FMNL2: variants seen among roughly 807,000 people sequenced by gnomAD.
FMNL2 encodes formin like 2, also known as formin-like protein 2.
FMNL2 carries 51 observed loss-of-function variants against 130.2 expected under a neutral mutation model. The ratio of observed to expected loss-of-function variants is 0.39; its 90% CI spans 0.31 to 0.49. FMNL2 has a LOEUF of 0.49. FMNL2 is among the 20% of genes least tolerant of loss of function. The pLI, the probability that FMNL2 is intolerant of heterozygous loss-of-function variation, is 0.85. For missense variants in FMNL2, 977 were observed against 1,316.2 expected (o/e 0.74, Z 3.99); for synonymous variants, 465 against 467.1 (o/e 1.00, Z 0.06).
At chr2:152,552,425 C>T (rs935142917) in intron 4 of FMNL2, among the ~76,000 whole-genome samples, 4 of 152,132 alleles carry the variant, frequency 2.6e-5, no homozygotes, top group African/African-American at 9.7e-5. Context: ...ATTACATTTA[C>T]AATCTACTTG....
intron 10 of FMNL2, among the ~76,000 whole-genome samples, chr2:152,611,288 G>A (rs566050245): frequency 5.3e-5 from 8 of 152,180 alleles, no homozygotes; most frequent in East Asian, 3.9e-4. Flanking sequence ...GCAGTGAGCC[G>A]AGATCATGCC....
chr2:152,560,786 G>T, intron 5 of FMNL2, 97 bp from the exon 6 acceptor site: 1 of 1,126,194 alleles, frequency 8.9e-7, no homozygotes, highest in South Asian at 1.9e-5. Context: ...CCATACTAAG[G>T]TGCAGATGTC....
intron 1 of FMNL2, among the ~76,000 whole-genome samples, chr2:152,502,897 G>C (rs1691928420): frequency 6.6e-6 from 1 of 152,080 alleles, no homozygotes; most frequent in African/African-American, 2.4e-5. Context: ...AGGGTATGGA[G>C]GTTGGAGGTT....
At chr2:152,388,741 T>G (rs1279411733) in intron 1 of FMNL2, among the ~76,000 whole-genome samples, 1 of 152,226 alleles carries the variant, frequency 6.6e-6, no homozygotes, top group African/African-American at 2.4e-5. Flanking sequence ...TTCTGATTGA[T>G]AGTTTGTGCA....
At chr2:152,353,922 A>G (rs1682646991) in intron 1 of FMNL2, among the ~76,000 whole-genome samples, 2 of 152,102 alleles carry the variant, frequency 1.3e-5, no homozygotes, top group Non-Finnish European at 2.9e-5. Context: ...AACGCCCAGA[A>G]TTGAACTAAT....
intron 1 of FMNL2, chr2:152,390,016 A>G (rs1211796078): frequency 7.0e-6 from 11 of 1,574,286 alleles, no homozygotes; most frequent in Non-Finnish European, 9.6e-6. Context: ...GACCAGAAAA[A>G]GGATGCAGAG....
At chr2:152,599,851 G>T (rs1697960328) in intron 9 of FMNL2, among the ~76,000 whole-genome samples, 1 of 152,184 alleles carries the variant, frequency 6.6e-6, no homozygotes, top group Admixed American at 6.5e-5. Flanking sequence ...TCAGCTGGAT[G>T]AACATATTCA....
intron 1 of FMNL2, among the ~76,000 whole-genome samples, chr2:152,341,032 G>A (rs1681769289): frequency 6.6e-6 from 1 of 152,192 alleles, no homozygotes; most frequent in African/African-American, 2.4e-5. Flanking sequence ...CCCACTGCAA[G>A]GTGTTGCTCC....
chr2:152,525,109 C>A (rs565051812), intron 2 of FMNL2, among the ~76,000 whole-genome samples: 1 of 152,120 alleles, frequency 6.6e-6, no homozygotes, highest in Non-Finnish European at 1.5e-5. Flanking sequence ...GATAGTGAAA[C>A]GAGAACATCT....
At chr2:152,591,174 A>G (rs1372651215) in intron 9 of FMNL2, among the ~76,000 whole-genome samples, 1 of 150,924 alleles carries the variant, frequency 6.6e-6, no homozygotes, top group Non-Finnish European at 1.5e-5. Context: ...ACGCCTGGCT[A>G]ATTTTTTTGT....
intron 1 of FMNL2, among the ~76,000 whole-genome samples, chr2:152,441,376 T>TA (rs1463110704): frequency 6.6e-6 from 1 of 151,996 alleles, no homozygotes; most frequent in Non-Finnish European, 1.5e-5. Context: ...CCAATTTTAG[T>TA]AAAAAGGGGA....
intron 1 of FMNL2, among the ~76,000 whole-genome samples, chr2:152,409,217 G>A (rs555873555): frequency 6.6e-6 from 1 of 152,200 alleles, no homozygotes; most frequent in South Asian, 2.1e-4. Context: ...GCTCAAATCC[G>A]ACTGCCACAT....
chr2:152,607,221 TTA>T (rs1698420348), intron 9 of FMNL2, 116 bp from the exon 10 acceptor site: 1 of 837,052 alleles, frequency 1.2e-6, no homozygotes, highest in African/African-American at 1.7e-5. Flanking sequence ...AGTAAATAGT[TTA>T]TGAGAGAGAA....
Position 152,601,948 on chromosome 2 carries a change from G to A in FMNL2, c.877-5391G>A, listed in dbSNP as rs150550150. On this transcript the variant is annotated intron_variant, in intron 9 of 25. Coordinates refer to ENST00000288670, the MANE Select transcript of FMNL2 (RefSeq NM_052905.4). The stretch of plus-strand genomic sequence containing the variant: ...GCCTCCCAAAGTGCTGGGAGTACAG[G>A]TGTGAGCCACTGCACCTGGCCTAAG... Among the ~76,000 whole-genome samples the A allele has an allele frequency of 9.8e-3, 1,489 of 152,312 alleles. 11 individuals carry two copies. Among genetic ancestry groups the A allele is most frequent in the Middle Eastern group, 0.024 (7 of 294 alleles).
chr2:152,591,252 G>A (rs895513648), intron 9 of FMNL2, among the ~76,000 whole-genome samples: 4 of 151,802 alleles, frequency 2.6e-5, no homozygotes, highest in African/African-American at 4.8e-5. Flanking sequence ...TTCGTGATCC[G>A]CCCACCTTGG....
intron 1 of FMNL2, among the ~76,000 whole-genome samples, chr2:152,352,700 C>G (rs930861706): frequency 2.0e-5 from 3 of 147,358 alleles, no homozygotes; most frequent in African/African-American, 7.6e-5. Flanking sequence ...GCCAAATAAG[C>G]TTGTGATCAA....
intron 21 of FMNL2, among the ~76,000 whole-genome samples, chr2:152,632,783 T>C (rs1682266013): frequency 6.6e-6 from 1 of 152,192 alleles, no homozygotes; most frequent in African/African-American, 2.4e-5. Context: ...TATTATCCAA[T>C]GTACCATGTT....
chr2:152,646,916 C>CTGAG (rs1185983343), intron 25 of FMNL2, among the ~76,000 whole-genome samples: 2 of 152,242 alleles, frequency 1.3e-5, no homozygotes, highest in Non-Finnish European at 2.9e-5. Context: ...TGCCTTCATA[C>CTGAG]TGAGTTCTTG....
chr2:152,419,012 G>C (rs1445786511), intron 1 of FMNL2, among the ~76,000 whole-genome samples: 1 of 149,546 alleles, frequency 6.7e-6, no homozygotes, highest in Non-Finnish European at 1.5e-5. Flanking sequence ...ATTCTGATGG[G>C]TATGAAACAG....
Sources: allele counts gnomAD v4.1 joint callset (sites outside exome capture counted in the v4.1 genomes callset), GRCh38; gene constraint gnomAD v4.1.1; transcripts MANE v1.5; gene names NCBI Gene and HGNC (gene_info 2026-07-23, HGNC 2026-07-21).